The following RALYL variants were observed in gnomAD, a reference collection of about 807,000 sequenced individuals.
The protein encoded by RALYL is RNA-binding Raly-like protein.
In RALYL, 29 loss-of-function variants were observed where a neutral mutation model predicts 35.1. That is an observed-to-expected ratio of 0.83 (90% CI 0.61 to 1.13). The LOEUF is 1.13. RALYL is among the 50% of genes most tolerant of loss of function. The probability of loss-of-function intolerance (pLI) is 0.00; values close to 1 mark genes in which losing one functional copy is unlikely to be tolerated. For missense variants in RALYL, 359 were observed against 360.4 expected, an observed-to-expected ratio of 1.00 and a Z score of 0.03; for synonymous variants, 120 against 127.6, an observed-to-expected ratio of 0.94 and a Z score of 0.40.
chr8:84,369,302 GTATTTATT>G (rs143936722), intron 1 of RALYL, among the ~76,000 whole-genome samples: 155 of 151,220 alleles, frequency 1.0e-3, no homozygotes, highest in East Asian at 3.5e-3. Context: ...GAAAAAACTA[GTATTTATT>G]TATTTATTTA....
chr8:84,861,835 A>G (rs1180445642), intron 5 of RALYL, among the ~76,000 whole-genome samples: 1 of 152,194 alleles, frequency 6.6e-6, no homozygotes, highest in Non-Finnish European at 1.5e-5. Context: ...TACTGTTTGA[A>G]CAGTAATTTT....
At chr8:84,444,094 C>G (rs905505586) in intron 1 of RALYL, among the ~76,000 whole-genome samples, 8 of 152,222 alleles carry the variant, frequency 5.3e-5, no homozygotes, top group Non-Finnish European at 1.2e-4. Flanking sequence ...TTTGGGATGT[C>G]AAGGCAGGAG....
chr8:84,227,974 T>A (rs951031270), intron 1 of RALYL, among the ~76,000 whole-genome samples: 1 of 152,096 alleles, frequency 6.6e-6, no homozygotes, highest in Non-Finnish European at 1.5e-5. Flanking sequence ...GAAGGCTTAC[T>A]GACATGGCAC....
chr8:84,511,482 C>A (rs946439726), intron 1 of RALYL, among the ~76,000 whole-genome samples: 2 of 152,008 alleles, frequency 1.3e-5, no homozygotes, highest in African/African-American at 4.8e-5. Flanking sequence ...TACATGTGTA[C>A]AATGTTTAAT....
intron 1 of RALYL, among the ~76,000 whole-genome samples, chr8:84,527,857 A>G (rs897870617): frequency 5.9e-5 from 9 of 152,154 alleles, no homozygotes; most frequent in African/African-American, 2.2e-4. Context: ...TGTATTGTTT[A>G]TTAAACTGAT....
chr8:84,247,620 G>T (rs1001043589), intron 1 of RALYL, among the ~76,000 whole-genome samples: 13 of 151,620 alleles, frequency 8.6e-5, no homozygotes, highest in African/African-American at 3.1e-4. Context: ...CTAGTGAATT[G>T]TTAAATAAAT....
chr8:84,782,927 T>C (rs138086382), intron 3 of RALYL, among the ~76,000 whole-genome samples: 3 of 146,804 alleles, frequency 2.0e-5, no homozygotes, highest in African/African-American at 7.7e-5. Flanking sequence ...TCCAGTGACC[T>C]GTTTCTTGTT....
chr8:84,881,942 G>A (rs1371128062), intron 7 of RALYL, among the ~76,000 whole-genome samples: 2 of 151,888 alleles, frequency 1.3e-5, no homozygotes, highest in East Asian at 3.9e-4. Flanking sequence ...TGGAATTCCA[G>A]CTCTTGCACT....
intron 2 of RALYL, among the ~76,000 whole-genome samples, chr8:84,732,280 T>C (rs1846318997): frequency 6.6e-6 from 1 of 152,100 alleles, no homozygotes; most frequent in African/African-American, 2.4e-5. Flanking sequence ...TAAATATTTG[T>C]TGAATGAACC....
intron 8 of RALYL, among the ~76,000 whole-genome samples, chr8:84,896,484 C>T (rs934857110): frequency 1.4e-4 from 21 of 152,298 alleles, no homozygotes; most frequent in African/African-American, 4.6e-4. Context: ...TTTCATTGTA[C>T]TTAAAACTCT....
chr8:84,850,036 AT>A lies in RALYL; in HGVS notation c.413+14del. 1 of 1,439,996 alleles carries A rather than the reference AT, an allele frequency of 6.9e-7. No homozygotes were observed. Among genetic ancestry groups the A allele is most frequent in the South Asian group, 1.5e-5 (1 of 67,974 alleles). 89.2% of individuals were successfully genotyped at this position (1,439,996 alleles called of 1,614,324 possible). A position where few individuals can be genotyped will look rare whatever the true frequency, so the allele number is the denominator to read the frequency against. ...GATGATTTCTACAATCGGTATGTGA[AT>A]TTTTCATCCTTGTTTTCCTATGACT... is the stretch of plus-strand genomic sequence containing the variant. On this transcript the variant is annotated intron_variant, in intron 5 of 8. Transcript: ENST00000521268.
At chr8:84,548,698 C>T (rs2060519249) in intron 2 of RALYL, among the ~76,000 whole-genome samples, 1 of 152,126 alleles carries the variant, frequency 6.6e-6, no homozygotes, top group South Asian at 2.1e-4. Flanking sequence ...TTGTTGTTTT[C>T]AAAAGTGATT....
intron 8 of RALYL, among the ~76,000 whole-genome samples, chr8:84,913,859 A>G (rs1847981226): frequency 6.6e-6 from 1 of 151,942 alleles, no homozygotes; most frequent in Non-Finnish European, 1.5e-5. Context: ...GTATAGGATA[A>G]TAGTGTATTT....
At chr8:84,698,302 G>A (rs1195503933) in intron 2 of RALYL, among the ~76,000 whole-genome samples, 2 of 151,990 alleles carry the variant, frequency 1.3e-5, no homozygotes, top group Non-Finnish European at 2.9e-5. Context: ...TTTAGCTTCT[G>A]CAATTAATTA....
intron 2 of RALYL, among the ~76,000 whole-genome samples, chr8:84,738,041 T>C (rs967560381): frequency 6.6e-6 from 1 of 152,046 alleles, no homozygotes; most frequent in African/African-American, 2.4e-5. Flanking sequence ...GAATTAGGTG[T>C]GATTTCTTCC....
At chr8:84,296,032 GT>G in intron 1 of RALYL, among the ~76,000 whole-genome samples, 1 of 152,022 alleles carries the variant, frequency 6.6e-6, no homozygotes, top group Non-Finnish European at 1.5e-5. Flanking sequence ...AGTAATTGTG[GT>G]TTTTGCTGTT....
chr8:84,320,731 T>G (rs1844643490), intron 1 of RALYL, among the ~76,000 whole-genome samples: 1 of 152,114 alleles, frequency 6.6e-6, no homozygotes. Context: ...CAATGCCTTT[T>G]TGGGGTACTT....
intron 1 of RALYL, among the ~76,000 whole-genome samples, chr8:84,315,195 G>A (rs2130118807): frequency 6.6e-6 from 1 of 152,004 alleles, no homozygotes; most frequent in Non-Finnish European, 1.5e-5. Flanking sequence ...CACAATCCAT[G>A]TAAGATATAT....
chr8:84,725,114 G>T (rs1844695662), intron 2 of RALYL, among the ~76,000 whole-genome samples: 1 of 151,472 alleles, frequency 6.6e-6, no homozygotes, highest in East Asian at 1.9e-4. Flanking sequence ...CCTAAGATCT[G>T]CCTAAATCAA....
Sources: gnomAD v4.1 joint callset for allele counts (sites outside exome capture counted in the v4.1 genomes callset) on GRCh38, gnomAD v4.1.1 for gene constraint, MANE v1.5 for transcripts, NCBI Gene and HGNC (gene_info 2026-07-23, HGNC 2026-07-21) for gene names.